The following EFCAB11 variants were observed in gnomAD, a reference collection of about 807,000 sequenced individuals.
EFCAB11 encodes the protein EF-hand calcium binding domain 11.
In EFCAB11, 14 loss-of-function variants were observed where a neutral mutation model predicts 23.0. The ratio of observed to expected loss-of-function variants is 0.61; its 90% CI spans 0.40 to 0.95. The LOEUF is 0.95. Among genes scored for constraint, EFCAB11 ranks in the 40% least tolerant of loss-of-function variants. The probability of loss-of-function intolerance (pLI) is 0.00; values close to 1 mark genes in which losing one functional copy is unlikely to be tolerated. For synonymous variants in EFCAB11, 65 were observed against 66.6 expected, an observed-to-expected ratio of 0.98 and a Z score of 0.11; for missense variants, 198 against 195.8, an observed-to-expected ratio of 1.01 and a Z score of -0.07.
intron 5 of EFCAB11, among the ~76,000 whole-genome samples, chr14:89,884,556 A>C (rs75848585): frequency 7.7e-4 from 117 of 152,346 alleles, no homozygotes; most frequent in African/African-American, 2.7e-3. Context: ...CCTAGCTGAT[A>C]TAGTAAGAAA....
intron 2 of EFCAB11, 36 bp downstream of exon 2, chr14:89,953,870 G>T: frequency 6.4e-7 from 1 of 1,558,616 alleles, no homozygotes; most frequent in Non-Finnish European, 8.8e-7. Context: ...ACCTTTGATC[G>T]TCTACCCCAT....
chr14:89,888,425 C>T (rs1430675644), intron 5 of EFCAB11, among the ~76,000 whole-genome samples: 2 of 152,216 alleles, frequency 1.3e-5, no homozygotes, highest in African/African-American at 4.8e-5. Flanking sequence ...ATCTGCTTGG[C>T]TTCTGGGGAA....
At chr14:89,914,882 T>C (rs1889787355) in intron 5 of EFCAB11, among the ~76,000 whole-genome samples, 1 of 152,024 alleles carries the variant, frequency 6.6e-6, no homozygotes, top group Non-Finnish European at 1.5e-5. Flanking sequence ...CTTTTGACTG[T>C]ATCTCAGGAC....
At chr14:89,941,703 G>A (rs751710354) in intron 3 of EFCAB11, among the ~76,000 whole-genome samples, 8 of 150,554 alleles carry the variant, frequency 5.3e-5, no homozygotes, top group African/African-American at 1.5e-4. Context: ...GGTGCATACC[G>A]CCATGAATGG....
In EFCAB11 at chr14:89,864,283, G is replaced by A. The variant is rs141276298; in HGVS notation, c.411-66959C>T. On this transcript the variant is annotated intron_variant, in intron 5 of 5. Transcript: ENST00000316738. ...TAGTGATTATATGAATGAGTGTCAT[G>A]GGCAAGGCTAGTACAGGAAGCACAA... Among the ~76,000 whole-genome samples, 129 of 152,316 alleles carry A rather than the reference G, an allele frequency of 8.5e-4. No homozygotes were observed. In the East Asian group the frequency reaches 0.02, roughly 23 times the overall value.
intron 5 of EFCAB11, among the ~76,000 whole-genome samples, chr14:89,884,433 T>C (rs1038436876): frequency 6.6e-6 from 1 of 152,146 alleles, no homozygotes; most frequent in African/African-American, 2.4e-5. Context: ...CAAAAACCTA[T>C]TGCATATTCC....
At chr14:89,916,937 T>C (rs1310753420) in intron 5 of EFCAB11, among the ~76,000 whole-genome samples, 1 of 152,178 alleles carries the variant, frequency 6.6e-6, no homozygotes, top group Non-Finnish European at 1.5e-5. Flanking sequence ...TTTTGAGGTA[T>C]GACTGACAAA....
chr14:89,928,222 T>A (rs572512841), intron 5 of EFCAB11, among the ~76,000 whole-genome samples: 1 of 152,188 alleles, frequency 6.6e-6, no homozygotes, highest in Non-Finnish European at 1.5e-5. Flanking sequence ...TACTTATTTA[T>A]AGAGGAGCAC....
intron 5 of EFCAB11, among the ~76,000 whole-genome samples, chr14:89,879,573 C>G (rs17126436): frequency 0.053 from 8,019 of 152,018 alleles, 352 homozygotes; most frequent in African/African-American, 0.11. Context: ...CCAAACACTT[C>G]AATTACTTAC....
chr14:89,859,407 G>T (rs1887852514), intron 5 of EFCAB11, among the ~76,000 whole-genome samples: 1 of 152,218 alleles, frequency 6.6e-6, no homozygotes, highest in African/African-American at 2.4e-5. Flanking sequence ...ACCATAGTCT[G>T]CCTCCTCAAG....
intron 5 of EFCAB11, among the ~76,000 whole-genome samples, chr14:89,837,553 T>C (rs1359591365): frequency 6.6e-6 from 1 of 152,198 alleles, no homozygotes; most frequent in Non-Finnish European, 1.5e-5. Flanking sequence ...TTCCTGGCCT[T>C]ATATCTGTAA....
At chr14:89,882,053 G>C (rs1192512341) in intron 5 of EFCAB11, among the ~76,000 whole-genome samples, 1 of 152,114 alleles carries the variant, frequency 6.6e-6, no homozygotes, top group Non-Finnish European at 1.5e-5. Context: ...AGCTATACTG[G>C]TTTTCTAATC....
chr14:89,914,968 G>GC lies in EFCAB11; in HGVS notation c.410+16572dup, dbSNP rs367929908. On this transcript the variant is annotated intron_variant, in intron 5 of 5. Transcript: ENST00000316738. ...AGTAAAGGGTTAAACAAACCTAGCC[G>GC]CCCCCGCCCACACACACACAAAAAA... 3.5e-3 allele frequency among the ~76,000 whole-genome samples: 536 copies of GC among 151,740 alleles called. 3 individuals are homozygous for GC. The highest frequency in any genetic ancestry group is 0.012 in the African/African-American group (487 of 41,358).
intron 3 of EFCAB11, among the ~76,000 whole-genome samples, chr14:89,947,291 C>A (rs1472480454): frequency 6.6e-6 from 1 of 152,008 alleles, no homozygotes; most frequent in African/African-American, 2.4e-5. Flanking sequence ...GGATCCTATC[C>A]CCTTACACAA....
At chr14:89,861,010 T>A (rs1262970027) in intron 5 of EFCAB11, among the ~76,000 whole-genome samples, 1 of 152,188 alleles carries the variant, frequency 6.6e-6, no homozygotes, top group African/African-American at 2.4e-5. Flanking sequence ...CATTTTGTCC[T>A]TCTCCTAAAC....
chr14:89,876,116 G>T (rs1215254744), intron 5 of EFCAB11, among the ~76,000 whole-genome samples: 4 of 152,198 alleles, frequency 2.6e-5, no homozygotes, highest in Non-Finnish European at 5.9e-5. Context: ...ATACTGTACT[G>T]AGTTCAGAAG....
chr14:89,954,166 T>C (rs1891325919), intron 1 of EFCAB11, among the ~76,000 whole-genome samples, 165 bp from the exon 2 acceptor site: 1 of 152,230 alleles, frequency 6.6e-6, no homozygotes, highest in African/African-American at 2.4e-5. Flanking sequence ...ATCTTAAAGA[T>C]GGACTGAAAT....
intron 5 of EFCAB11, among the ~76,000 whole-genome samples, chr14:89,904,535 C>T (rs1402965605): frequency 1.3e-5 from 2 of 152,100 alleles, no homozygotes; most frequent in Non-Finnish European, 2.9e-5. Context: ...GTTCTAGATC[C>T]TTGAGGAATC....
chr14:89,837,632 C>T (rs2140123143), intron 5 of EFCAB11, among the ~76,000 whole-genome samples: 1 of 152,246 alleles, frequency 6.6e-6, no homozygotes, highest in Admixed American at 6.5e-5. Flanking sequence ...GGGGCCCTGA[C>T]TGATAGAACC....
Sources: allele counts gnomAD v4.1 joint callset (sites outside exome capture counted in the v4.1 genomes callset), GRCh38; gene constraint gnomAD v4.1.1; transcripts MANE v1.5; gene names NCBI Gene and HGNC (gene_info 2026-07-23, HGNC 2026-07-21).